Variants in KANK1 observed in about 807,000 individuals in gnomAD.
KANK1 encodes the protein KN motif and ankyrin repeat domains 1.
In KANK1, 109 loss-of-function variants were observed where a neutral mutation model predicts 106.2. The ratio of observed to expected loss-of-function variants is 1.03; its 90% CI spans 0.88 to 1.20. KANK1 has a LOEUF of 1.20. KANK1 is among the 50% of genes most tolerant of loss of function. The pLI is 0.00. For missense variants in KANK1, 2,399 were observed against 1,710.7 expected (o/e 1.40, Z -7.10); for synonymous variants, 873 against 652.2 (o/e 1.34, Z -5.16).
chr9:612,573 TAAAA>T (rs71491961), intron 1 of KANK1, among the ~76,000 whole-genome samples: 282 of 152,236 alleles, frequency 1.9e-3, no homozygotes, highest in Middle Eastern at 0.01. Context: ...CGTTTCATAT[TAAAA>T]AAAGTTATCA....
chr9:738,531 C>T (rs1173739322), intron 8 of KANK1, 27 bp downstream of exon 8: 1 of 1,561,896 alleles, frequency 6.4e-7, no homozygotes, highest in Admixed American at 1.7e-5. Flanking sequence ...TCCACCCTCT[C>T]TTCTCTAACA....
At chr9:513,430 C>CT (rs58897044) in intron 1 of KANK1, among the ~76,000 whole-genome samples, 3,081 of 152,124 alleles carry the variant, frequency 0.02, 108 homozygotes, top group African/African-American at 0.07. Context: ...TGGGTTTTTT[C>CT]TTTTTTTGGA....
intron 2 of KANK1, chr9:686,771 C>T: frequency 2.0e-6 from 2 of 985,350 alleles, no homozygotes; most frequent in Non-Finnish European, 2.4e-6. Context: ...TCTGAGTGGG[C>T]CCAAGCATCA....
chr9:625,800 G>C (rs1461574821), intron 1 of KANK1, among the ~76,000 whole-genome samples: 1 of 152,114 alleles, frequency 6.6e-6, no homozygotes, highest in African/African-American at 2.4e-5. Context: ...TGAGTTTGTT[G>C]CACTGTGTAC....
intron 1 of KANK1, among the ~76,000 whole-genome samples, chr9:511,491 A>T (rs560721513): frequency 6.6e-6 from 1 of 152,316 alleles, no homozygotes; most frequent in East Asian, 1.9e-4. Flanking sequence ...TCCCATCTAT[A>T]AACAGGGATA....
intron 1 of KANK1, among the ~76,000 whole-genome samples, chr9:576,786 C>G (rs1055046782): frequency 2.6e-5 from 4 of 151,628 alleles, no homozygotes; most frequent in Non-Finnish European, 4.4e-5. Flanking sequence ...CCATGACATT[C>G]CCTGTACGTA....
intron 1 of KANK1, among the ~76,000 whole-genome samples, chr9:646,078 T>C (rs10975560): frequency 0.19 from 27,935 of 150,818 alleles, 3,409 homozygotes; most frequent in East Asian, 0.26. Context: ...ATAAAGTCTT[T>C]GTTTCCTTTT....
intron 1 of KANK1, among the ~76,000 whole-genome samples, chr9:676,313 C>T (rs902681290): frequency 6.6e-6 from 1 of 152,118 alleles, no homozygotes; most frequent in East Asian, 1.9e-4. Context: ...TCCAACGGCA[C>T]AGTGGGAGAT....
chr9:517,312 C>G (rs1284634047), intron 1 of KANK1, among the ~76,000 whole-genome samples: 1 of 151,610 alleles, frequency 6.6e-6, no homozygotes. Context: ...CCATGTTGGC[C>G]AGGATGGTCT....
chr9:575,917 A>T (rs1820435512), intron 1 of KANK1, among the ~76,000 whole-genome samples: 1 of 152,090 alleles, frequency 6.6e-6, no homozygotes. Context: ...CAGCCACTTG[A>T]GAGGCTGAGG....
rs756688261 is a variant in KANK1, at chr9:745,250, C to T, written c.*15C>T. ...CATTTGATTGATTGTATGCAAATAG[C>T]CCTTTATTTACATGCCACTATTAAG... is the stretch of plus-strand genomic sequence containing the variant. On this transcript the variant is annotated 3_prime_UTR_variant, in exon 12 of 12. Transcript: ENST00000382297. 15 of 1,613,644 alleles carry T rather than the reference C, an allele frequency of 9.3e-6. No individual in the cohort carries two copies. In the South Asian group the frequency reaches 1.1e-4, roughly 12 times the overall value.
intron 1 of KANK1, among the ~76,000 whole-genome samples, chr9:615,763 T>G (rs1563866151): frequency 6.6e-6 from 1 of 152,226 alleles, no homozygotes; most frequent in Non-Finnish European, 1.5e-5. Flanking sequence ...CTTTGACATT[T>G]AAAGACAGAA....
chr9:611,815 T>C (rs1432821068), intron 1 of KANK1, among the ~76,000 whole-genome samples: 1 of 152,048 alleles, frequency 6.6e-6, no homozygotes, highest in Non-Finnish European at 1.5e-5. Flanking sequence ...GCCTCCCGGG[T>C]TCAACCGATT....
intron 1 of KANK1, among the ~76,000 whole-genome samples, chr9:541,410 C>G (rs1011003872): frequency 1.3e-5 from 2 of 152,070 alleles, no homozygotes; most frequent in African/African-American, 4.8e-5. Flanking sequence ...ACACCATATA[C>G]AAAAATCAAC....
intron 7 of KANK1, among the ~76,000 whole-genome samples, chr9:736,673 C>G (rs1833881153): frequency 6.6e-6 from 1 of 151,184 alleles, no homozygotes; most frequent in African/African-American, 2.4e-5. Context: ...GCACTCCAGC[C>G]TGGGAGACAG....
At chr9:692,777 A>G (rs1293346014) in intron 2 of KANK1, among the ~76,000 whole-genome samples, 2 of 152,092 alleles carry the variant, frequency 1.3e-5, no homozygotes, top group Admixed American at 6.5e-5. Flanking sequence ...CACTTTGGGA[A>G]GCCAAAGCTG....
At chr9:673,341 C>G (rs1286011900) in intron 1 of KANK1, 1 of 151,714 alleles carries the variant, frequency 6.6e-6, no homozygotes, top group African/African-American at 2.4e-5. Flanking sequence ...TCCCAAGTAG[C>G]TGGGATCACA....
intron 2 of KANK1, among the ~76,000 whole-genome samples, chr9:701,475 C>T (rs1396796096): frequency 1.3e-5 from 2 of 152,182 alleles, no homozygotes; most frequent in African/African-American, 4.8e-5. Context: ...CTGTCCCCAG[C>T]ACAGGCTTTC....
chr9:732,668 T>A, intron 6 of KANK1, 51 bp downstream of exon 6: 1 of 1,590,866 alleles, frequency 6.3e-7, no homozygotes, highest in African/African-American at 1.3e-5. Flanking sequence ...TTAATGTACT[T>A]TGGCAATAGA....
Sources: allele counts gnomAD v4.1 joint callset (sites outside exome capture counted in the v4.1 genomes callset), GRCh38; gene constraint gnomAD v4.1.1; transcripts MANE v1.5; gene names NCBI Gene and HGNC (gene_info 2026-07-23, HGNC 2026-07-21).